Variants in ZNF609 observed in about 807,000 individuals in gnomAD.
ZNF609 encodes the protein zinc finger protein 609.
A neutral mutation model predicts 109.5 loss-of-function variants in ZNF609; 11 were observed. That is an observed-to-expected ratio of 0.10 (90% confidence interval 0.06 to 0.17). The LOEUF is 0.17. Ranked by LOEUF, ZNF609 falls within the 10% of genes least tolerant of loss-of-function variation. ZNF609 has a pLI of 1.00. For synonymous variants in ZNF609, 646 were observed against 662.0 expected (o/e 0.98, Z 0.37); for missense variants, 1,559 against 1,772.4 (o/e 0.88, Z 2.16).
intron 7 of ZNF609, 138 bp downstream of exon 7, chr15:64,680,498 C>T: frequency 2.3e-6 from 3 of 1,304,382 alleles, no homozygotes; most frequent in Non-Finnish European, 3.2e-6. Flanking sequence ...CCCAGGGCAT[C>T]TTCTTTATTC....
chr15:64,520,544 CTG>C (rs1488687481), intron 2 of ZNF609, among the ~76,000 whole-genome samples: 2 of 152,024 alleles, frequency 1.3e-5, no homozygotes, highest in African/African-American at 4.8e-5. Flanking sequence ...GCTCCCTAAC[CTG>C]TGTCTCAGTT....
intron 2 of ZNF609, among the ~76,000 whole-genome samples, chr15:64,622,115 T>C (rs1284045578): frequency 6.6e-6 from 1 of 152,188 alleles, no homozygotes; most frequent in Non-Finnish European, 1.5e-5. Flanking sequence ...GCACCTCCTG[T>C]TTCTTATAGA....
intron 4 of ZNF609, 28 bp downstream of exon 4, chr15:64,670,461 A>G (rs765361337): frequency 6.3e-6 from 10 of 1,586,074 alleles, no homozygotes; most frequent in Admixed American, 1.7e-5. Context: ...TTTAGTTTAT[A>G]TTATTCTGAA....
At chr15:64,681,421 A>G (rs1485039090) in intron 9 of ZNF609, 34 bp downstream of exon 9, 4 of 1,569,138 alleles carry the variant, frequency 2.5e-6, no homozygotes, top group Non-Finnish European at 3.5e-6. Context: ...GGCAACACAT[A>G]AAGCCGGGAT....
intron 5 of ZNF609, 49 bp downstream of exon 5, chr15:64,676,305 A>G (rs377627174): frequency 4.0e-4 from 610 of 1,522,814 alleles, no homozygotes; most frequent in Non-Finnish European, 4.9e-4. Flanking sequence ...GTAATCGTCT[A>G]TCTTCCTCAC....
intron 2 of ZNF609, among the ~76,000 whole-genome samples, chr15:64,607,887 TTTTCTTTC>T (rs1895637402): frequency 5.3e-5 from 1 of 18,988 alleles, no homozygotes; most frequent in Non-Finnish European, 2.0e-4. Context: ...TTCTTCTTTC[TTTTCTTTC>T]TTTTTTTTTT....
chr15:64,654,532 C>T (rs1896462670), intron 3 of ZNF609: 1 of 152,118 alleles, frequency 6.6e-6, no homozygotes, highest in East Asian at 1.9e-4. Flanking sequence ...ACCTCCTGGC[C>T]TCAAGCAATC....
chr15:64,478,212 G>C (rs1893200229), intron 1 of ZNF609, among the ~76,000 whole-genome samples: 1 of 145,176 alleles, frequency 6.9e-6, no homozygotes, highest in Non-Finnish European at 1.5e-5. Context: ...TTAAAGAGGT[G>C]GGGTCTTGCT....
At position 64,516,478 on chromosome 15, in the gene ZNF609, A is replaced by T. The variant is rs1893812142; in HGVS notation, c.747+16312A>T. Among the ~76,000 whole-genome samples, 4 of 151,968 alleles carry T rather than the reference A, an allele frequency of 2.6e-5. No homozygotes were observed. In the South Asian group the frequency reaches 8.3e-4, roughly 32 times the overall value. ...GCTCTCCGCCTCCTGAGTTCAAGAGATTCTCCTGCCACAGCCTCCCAAGTA... is the reference window on the plus strand; with the variant it reads ...GCTCTCCGCCTCCTGAGTTCAAGAGTTTCTCCTGCCACAGCCTCCCAAGTA... On this transcript the variant is annotated intron_variant, in intron 2 of 9. Coordinates refer to ENST00000326648, the MANE Select transcript of ZNF609 (RefSeq NM_015042.2).
intron 1 of ZNF609, among the ~76,000 whole-genome samples, chr15:64,494,436 C>A (rs942648640): frequency 9.9e-5 from 15 of 152,140 alleles, no homozygotes; most frequent in African/African-American, 3.6e-4. Flanking sequence ...AGTTAAATAT[C>A]TGTCTTTCTG....
chr15:64,478,434 G>C (rs554326120), intron 1 of ZNF609, among the ~76,000 whole-genome samples: 3 of 151,834 alleles, frequency 2.0e-5, no homozygotes, highest in Non-Finnish European at 4.4e-5. Flanking sequence ...GCATTGTTGC[G>C]ATCTCGGCTC....
At chr15:64,520,567 C>T (rs911184382) in intron 2 of ZNF609, among the ~76,000 whole-genome samples, 2 of 152,070 alleles carry the variant, frequency 1.3e-5, no homozygotes, top group South Asian at 4.2e-4. Flanking sequence ...TTTATTATCC[C>T]CAAATCTCTA....
chr15:64,490,790 G>A (rs575621377), intron 1 of ZNF609, among the ~76,000 whole-genome samples: 1 of 152,320 alleles, frequency 6.6e-6, no homozygotes, highest in South Asian at 2.1e-4. Flanking sequence ...AAACAACAAG[G>A]ATCTGAACTT....
At chr15:64,573,079 G>C (rs554317823) in intron 2 of ZNF609, among the ~76,000 whole-genome samples, 4 of 152,310 alleles carry the variant, frequency 2.6e-5, no homozygotes, top group Middle Eastern at 3.4e-3. Context: ...TGCATTCATA[G>C]TACCTAGAAC....
chr15:64,636,542 C>T (rs1309966388), intron 3 of ZNF609, among the ~76,000 whole-genome samples: 1 of 152,202 alleles, frequency 6.6e-6, no homozygotes, highest in African/African-American at 2.4e-5. Context: ...ATTATCCCTA[C>T]CTTTTGAAAA....
At chr15:64,592,769 A>T (rs1368265200) in intron 2 of ZNF609, among the ~76,000 whole-genome samples, 1 of 151,012 alleles carries the variant, frequency 6.6e-6, no homozygotes, top group African/African-American at 2.4e-5. Flanking sequence ...AAAAAAAAAA[A>T]AAAAAATTAG....
At chr15:64,593,268 C>T (rs1895333990) in intron 2 of ZNF609, 1 of 1,513,602 alleles carries the variant, frequency 6.6e-7, no homozygotes, top group Admixed American at 1.7e-5. Flanking sequence ...GACCGAACAC[C>T]CCCACCCCGA....
chr15:64,624,221 G>T (rs950604444), intron 3 of ZNF609, among the ~76,000 whole-genome samples: 1 of 152,166 alleles, frequency 6.6e-6, no homozygotes, highest in African/African-American at 2.4e-5. Flanking sequence ...GTTTTATTGT[G>T]TGCCTGAGTG....
intron 1 of ZNF609, among the ~76,000 whole-genome samples, chr15:64,490,406 T>C (rs1321320088): frequency 6.6e-6 from 1 of 152,012 alleles, no homozygotes; most frequent in Admixed American, 6.6e-5. Context: ...CCCTAGTAGC[T>C]GGGATTACAG....
Sources: gnomAD v4.1 joint callset for allele counts (sites outside exome capture counted in the v4.1 genomes callset) on GRCh38, gnomAD v4.1.1 for gene constraint, MANE v1.5 for transcripts, NCBI Gene and HGNC (gene_info 2026-07-23, HGNC 2026-07-21) for gene names.